The following PKHD1 variants were observed in gnomAD, a reference collection of about 807,000 sequenced individuals.
PKHD1 encodes the protein fibrocystin.
A neutral mutation model predicts 412.0 loss-of-function variants in PKHD1; 291 were observed. The observed-to-expected ratio is 0.71, with a 90% CI of 0.64 to 0.78. The LOEUF is 0.78. Ranked by LOEUF, PKHD1 falls within the 30% of genes least tolerant of loss-of-function variation. PKHD1 has a pLI of 0.00. For synonymous variants in PKHD1, 1,777 were observed against 1,821.5 expected (o/e 0.98, Z 0.62); for missense variants, 4,825 against 4,950.7 (o/e 0.97, Z 0.76).
intron 34 of PKHD1, among the ~76,000 whole-genome samples, chr6:52,016,711 C>T (rs570068219): frequency 2.6e-5 from 4 of 151,438 alleles, no homozygotes; most frequent in East Asian, 1.9e-4. Context: ...ACTCTATCTA[C>T]GTAAGACATA....
chr6:51,936,005 T>C (rs1400122361), intron 36 of PKHD1, among the ~76,000 whole-genome samples: 1 of 152,208 alleles, frequency 6.6e-6, no homozygotes, highest in African/African-American at 2.4e-5. Flanking sequence ...TTTGTAATAC[T>C]TGATATCAGG....
intron 60 of PKHD1, among the ~76,000 whole-genome samples, chr6:51,697,725 C>T (rs974055071): frequency 6.6e-5 from 10 of 152,214 alleles, no homozygotes; most frequent in Non-Finnish European, 1.3e-4. Flanking sequence ...TTTCTTACTG[C>T]TCTTGCAGCA....
intron 55 of PKHD1, 92 bp downstream of exon 55, chr6:51,772,610 C>T: frequency 4.0e-5 from 26 of 645,238 alleles, no homozygotes; most frequent in South Asian, 1.7e-4. Flanking sequence ...AATGTTTAAC[C>T]TAAAAATCAG....
rs1427450624 is a variant in PKHD1 at position 51,874,888 on chromosome 6, G to A, written c.7351-4249C>T. 2.2e-3 allele frequency among the ~76,000 whole-genome samples: 213 copies of A among 96,870 alleles called. 51 individuals are homozygous for A. Among genetic ancestry groups the A allele is most frequent in the African/African-American group, 8.5e-3 (204 of 23,870 alleles). 63.6% of individuals were successfully genotyped at this position (96,870 alleles called of 152,430 possible). A position where few individuals can be genotyped will look rare whatever the true frequency, so the allele number is the denominator to read the frequency against. On this transcript the variant is annotated intron_variant, in intron 46 of 66. Coordinates refer to ENST00000371117, the MANE Select transcript of PKHD1 (RefSeq NM_138694.4). ...CACTAGGGAGTGCCAGACAGTGGGC[G>A]CAGGCCAGTGTGTGTGCGCACCGTG...
At chr6:51,725,376 T>A (rs573895323) in intron 60 of PKHD1, among the ~76,000 whole-genome samples, 8 of 152,334 alleles carry the variant, frequency 5.3e-5, no homozygotes, top group African/African-American at 1.9e-4. Flanking sequence ...ATGTGGATGC[T>A]CAGAAATTGA....
Position 52,024,788 on chromosome 6 carries a change from C to T in PKHD1, c.5022G>A (p.Val1674=), listed in dbSNP as rs1801890564. ...SQSDDILTFA[V]AQISGAANID... The stretch of plus-strand genomic sequence containing the variant: ...TGTTTGCAGCTCCTGAGATCTGGGC[C>T]ACTGCAAAGGTTAAGATGTCATCGC... The change falls in exon 32 of 67, where the codon GTG becomes GTA. Residue 1674 remains valine, a synonymous_variant. Coordinates refer to ENST00000371117, the MANE Select transcript of PKHD1 (RefSeq NM_138694.4). 6.2e-7 allele frequency: 1 copy of T among 1,614,134 alleles called. No homozygotes were observed.
intron 60 of PKHD1, among the ~76,000 whole-genome samples, chr6:51,722,309 T>C (rs1782026029): frequency 6.6e-6 from 1 of 152,200 alleles, no homozygotes; most frequent in African/African-American, 2.4e-5. Flanking sequence ...TCCTTCTTAC[T>C]GAATTGTTAT....
chr6:51,995,475 T>G (rs923674713), intron 35 of PKHD1, among the ~76,000 whole-genome samples: 6 of 152,374 alleles, frequency 3.9e-5, no homozygotes, highest in African/African-American at 1.4e-4. Context: ...TAAAATCACT[T>G]AAACGTAAAC....
intron 33 of PKHD1, among the ~76,000 whole-genome samples, chr6:52,020,573 A>G (rs1266125087): frequency 6.6e-6 from 1 of 152,190 alleles, no homozygotes; most frequent in Non-Finnish European, 1.5e-5. Context: ...CCTTGCAGCT[A>G]CTGCTCTGGG....
intron 60 of PKHD1, among the ~76,000 whole-genome samples, chr6:51,669,007 C>T (rs1194083337): frequency 1.3e-5 from 2 of 152,148 alleles, no homozygotes; most frequent in Non-Finnish European, 2.9e-5. Flanking sequence ...CTAAAGTTCT[C>T]TTTTTCAGTT....
At chr6:51,668,806 T>C (rs565715907) in intron 60 of PKHD1, among the ~76,000 whole-genome samples, 11 of 152,302 alleles carry the variant, frequency 7.2e-5, no homozygotes, top group African/African-American at 9.6e-5. Flanking sequence ...GAGATAATCA[T>C]GTGGTTTTTG....
chr6:51,888,409 G>A (rs1161398850), intron 43 of PKHD1, among the ~76,000 whole-genome samples: 3 of 151,894 alleles, frequency 2.0e-5, no homozygotes, highest in Non-Finnish European at 4.4e-5. Context: ...ATAGACTTAA[G>A]ACAAATTAAA....
chr6:52,064,435 C>G (rs1010562200), intron 13 of PKHD1, among the ~76,000 whole-genome samples: 1 of 152,220 alleles, frequency 6.6e-6, no homozygotes, highest in Admixed American at 6.5e-5. Flanking sequence ...TCAGGCATAA[C>G]CTGGTGGCAA....
At chr6:51,902,977 T>A (rs1781510995) in intron 43 of PKHD1, among the ~76,000 whole-genome samples, 2 of 152,190 alleles carry the variant, frequency 1.3e-5, no homozygotes, top group Non-Finnish European at 2.9e-5. Flanking sequence ...ATGGCCACAT[T>A]AACATAGTAA....
intron 60 of PKHD1, among the ~76,000 whole-genome samples, chr6:51,741,885 G>A (rs192182760): frequency 6.6e-6 from 1 of 152,032 alleles, no homozygotes; most frequent in Admixed American, 6.6e-5. Context: ...AAATACTCTG[G>A]AACATACATC....
At chr6:52,048,470 G>A (rs1255489681) in intron 23 of PKHD1, 22 bp downstream of exon 23, 1 of 1,612,980 alleles carries the variant, frequency 6.2e-7, no homozygotes, top group South Asian at 1.1e-5. Context: ...GAGAATTGTT[G>A]CAACCCCAAT....
chr6:51,794,436 T>C (rs1004975188), intron 52 of PKHD1, among the ~76,000 whole-genome samples: 1 of 152,214 alleles, frequency 6.6e-6, no homozygotes, highest in East Asian at 1.9e-4. Context: ...GTTTGTCAGA[T>C]GCATAGATTG....
chr6:51,960,000 C>T lies in PKHD1; in HGVS notation c.5778G>A (p.Arg1926=). The T allele has an allele frequency of 1.2e-6, 2 of 1,613,434 alleles. No individual in the cohort carries two copies. Among genetic ancestry groups the T allele is most frequent in the African/African-American group, 2.7e-5 (2 of 74,948 alleles). Residue 1926 remains arginine, a synonymous_variant, in exon 36 of 67, where the codon CGG becomes CGA. Transcript: ENST00000371117. ...ACCAGCTGTGAGTCCTGGACCATCT[C>T]CGGCAGAACTGTAAAGAAAAGTTGC... ...TQGNFSLQFC[R]RWSRTHSWFP...
chr6:51,779,021 A>T lies in PKHD1; in HGVS notation c.8441-3100T>A, dbSNP rs553005747. On this transcript the variant is annotated intron_variant, in intron 53 of 66. Coordinates refer to ENST00000371117, the MANE Select transcript of PKHD1 (RefSeq NM_138694.4). ...GAATTAGATGTCCCCTTTTGTGTGT[A>T]AAATCTTCTGTACCCCTTGCTAAAG... Among the ~76,000 whole-genome samples, 6 of 152,226 alleles carry T rather than the reference A, an allele frequency of 3.9e-5. No individual in the cohort carries two copies. The South Asian group carries it at 1.2e-3, about 32-fold the overall frequency.
Sources: gnomAD v4.1 joint callset for allele counts (sites outside exome capture counted in the v4.1 genomes callset) on GRCh38, gnomAD v4.1.1 for gene constraint, MANE v1.5 for transcripts, NCBI Gene and HGNC (gene_info 2026-07-23, HGNC 2026-07-21) for gene names.